Variants in CTIF observed in about 807,000 individuals in gnomAD.
CTIF encodes the protein cap binding complex dependent translation initiation factor, also known as CBP80/20-dependent translation initiation factor.
CTIF carries 21 observed loss-of-function variants against 66.0 expected under a neutral mutation model. That is an observed-to-expected ratio of 0.32 (90% CI 0.23 to 0.46). The LOEUF (loss-of-function observed/expected upper bound fraction) is 0.46. Among genes scored for constraint, CTIF ranks in the 20% least tolerant of loss-of-function variants. CTIF has a pLI of 1.00. For synonymous variants in CTIF, 345 were observed against 326.4 expected (o/e 1.06, Z -0.62); for missense variants, 739 against 812.7 (o/e 0.91, Z 1.10).
At chr18:48,665,211 G>T (rs976832677) in intron 5 of CTIF, among the ~76,000 whole-genome samples, 1 of 152,218 alleles carries the variant, frequency 6.6e-6, no homozygotes, top group Non-Finnish European at 1.5e-5. Context: ...ACCGCGCCCG[G>T]CCTGAGGCTG....
rs148395600 is a variant in CTIF, at chr18:48,736,823, G to T, written c.585-21096G>T. 2.3e-3 allele frequency among the ~76,000 whole-genome samples: 345 copies of T among 152,268 alleles called. 3 individuals are homozygous for T. The highest frequency in any genetic ancestry group is 7.8e-3 in the African/African-American group (325 of 41,558). On this transcript the variant is annotated intron_variant, in intron 7 of 11. Coordinates refer to ENST00000256413, the MANE Select transcript of CTIF (RefSeq NM_014772.3). ...CATAAGGAGCCTCCTGTCAGGGCAG[G>T]CCAGGCACGGGGGCATGGCCTCTTT...
chr18:48,757,306 G>A (rs2145856879), intron 7 of CTIF, among the ~76,000 whole-genome samples: 1 of 152,232 alleles, frequency 6.6e-6, no homozygotes, highest in Middle Eastern at 3.4e-3. Flanking sequence ...AAGTTTTGCG[G>A]GGTGGATGGG....
At chr18:48,694,254 A>G (rs2091974317) in intron 6 of CTIF, among the ~76,000 whole-genome samples, 2 of 152,216 alleles carry the variant, frequency 1.3e-5, no homozygotes, top group South Asian at 4.1e-4. Flanking sequence ...GAAGTTAGAC[A>G]CTCTGGCTAG....
chr18:48,720,492 A>G (rs1230011344), intron 7 of CTIF, among the ~76,000 whole-genome samples: 1 of 152,142 alleles, frequency 6.6e-6, no homozygotes, highest in Non-Finnish European at 1.5e-5. Context: ...CATCCCAGCA[A>G]GGAAATTGCC....
intron 7 of CTIF, among the ~76,000 whole-genome samples, chr18:48,714,235 G>A (rs554111635): frequency 6.6e-6 from 1 of 152,270 alleles, no homozygotes. Context: ...TGTGCAGCAG[G>A]TTCACCTTCC....
intron 10 of CTIF, 68 bp from the exon 11 acceptor site, chr18:48,857,520 A>G: frequency 1.4e-6 from 2 of 1,439,918 alleles, no homozygotes; most frequent in Non-Finnish European, 1.9e-6. Context: ...CGGGGGCTGC[A>G]GGGAGCTACA....
At position 48,860,361 on chromosome 18, in the gene CTIF, G is replaced by C. The variant is rs1193126916; in HGVS notation, c.*802G>C. The C allele has an allele frequency of 6.0e-6, 1 of 166,624 alleles. No homozygotes were observed. The highest frequency in any genetic ancestry group is 2.4e-5 in the African/African-American group (1 of 42,064). The allele number at this position is 166,624 out of a possible 1,614,324, so 10.3% of individuals were successfully genotyped here. On this transcript the variant is annotated 3_prime_UTR_variant, in exon 12 of 12. Transcript: ENST00000256413. ...CTGTTGAGGACCCCCGGATTAGTGG[G>C]AGATCAAACCCAGCTCCCCTCTAGA...
chr18:48,664,339 C>T, intron 4 of CTIF, 108 bp from the exon 5 acceptor site: 4 of 974,552 alleles, frequency 4.1e-6, no homozygotes, highest in Non-Finnish European at 6.4e-6. Context: ...CCCCTGGCGG[C>T]TCCTTTCTGC....
intron 9 of CTIF, among the ~76,000 whole-genome samples, chr18:48,789,402 A>G (rs138607436): frequency 8.5e-5 from 13 of 152,354 alleles, no homozygotes; most frequent in Non-Finnish European, 1.6e-4. Flanking sequence ...AGTAAAGGGC[A>G]TAATACAACC....
At chr18:48,610,696 C>T (rs781155230) in intron 1 of CTIF, among the ~76,000 whole-genome samples, 40 of 152,252 alleles carry the variant, frequency 2.6e-4, no homozygotes, top group Non-Finnish European at 5.1e-4. Context: ...TGCCTTCCGG[C>T]CAGCCATGCC....
intron 1 of CTIF, among the ~76,000 whole-genome samples, chr18:48,606,256 G>A (rs761484804): frequency 2.0e-5 from 3 of 152,180 alleles, no homozygotes; most frequent in Admixed American, 1.3e-4. Context: ...TGGGGGCAAC[G>A]TTCAGTGACT....
At chr18:48,547,296 C>T (rs2088774832) in intron 1 of CTIF, among the ~76,000 whole-genome samples, 1 of 152,218 alleles carries the variant, frequency 6.6e-6, no homozygotes, top group Non-Finnish European at 1.5e-5. Flanking sequence ...CTACTGCATA[C>T]TCAGGTCAGG....
chr18:48,585,366 A>G (rs1287679107), intron 1 of CTIF, among the ~76,000 whole-genome samples: 3 of 152,168 alleles, frequency 2.0e-5, no homozygotes, highest in African/African-American at 7.2e-5. Context: ...TCTTAACCCT[A>G]CCTCTGGATC....
chr18:48,632,553 C>G (rs747700712), intron 2 of CTIF, among the ~76,000 whole-genome samples: 1 of 152,188 alleles, frequency 6.6e-6, no homozygotes, highest in South Asian at 2.1e-4. Flanking sequence ...TCCTTCCCCA[C>G]TTCCCCCCTG....
At chr18:48,697,018 G>C (rs1280223781) in intron 6 of CTIF, among the ~76,000 whole-genome samples, 3 of 152,218 alleles carry the variant, frequency 2.0e-5, no homozygotes, top group Admixed American at 2.0e-4. Context: ...TGAGCCTTAT[G>C]GTTAGAGGAC....
At chr18:48,650,650 G>A (rs1009535057) in intron 3 of CTIF, among the ~76,000 whole-genome samples, 3 of 152,204 alleles carry the variant, frequency 2.0e-5, no homozygotes, top group Middle Eastern at 3.4e-3. Context: ...CTTGAGAAGA[G>A]CAACCCTAAG....
chr18:48,667,609 A>G (rs1320564089), intron 5 of CTIF, among the ~76,000 whole-genome samples: 1 of 152,232 alleles, frequency 6.6e-6, no homozygotes, highest in Non-Finnish European at 1.5e-5. Flanking sequence ...CAAAAAAGCG[A>G]TGAATAACTA....
In CTIF at chr18:48,672,358, G is replaced by A. The variant is rs28621067; in HGVS notation, c.507+1614G>A. ...GGGGACAACTCTTAATAGTATGGAC[G>A]TGTCCAATGCAATGTGGGATATTTA... On this transcript the variant is annotated intron_variant, in intron 6 of 11. Coordinates refer to ENST00000256413, the MANE Select transcript of CTIF (RefSeq NM_014772.3). 6.3e-3 allele frequency among the ~76,000 whole-genome samples: 955 copies of A among 152,210 alleles called. 13 individuals are homozygous for A. Among genetic ancestry groups the A allele is most frequent in the African/African-American group, 0.021 (890 of 41,548 alleles).
At chr18:48,545,290 T>C (rs1189663918) in intron 1 of CTIF, among the ~76,000 whole-genome samples, 1 of 152,086 alleles carries the variant, frequency 6.6e-6, no homozygotes, top group Non-Finnish European at 1.5e-5. Context: ...AGGTAAGGCA[T>C]AGAGGAAGGA....
Sources: allele counts gnomAD v4.1 joint callset (sites outside exome capture counted in the v4.1 genomes callset), GRCh38; gene constraint gnomAD v4.1.1; transcripts MANE v1.5; gene names NCBI Gene and HGNC (gene_info 2026-07-23, HGNC 2026-07-21).